KDM4B: variants seen among roughly 807,000 people sequenced by gnomAD.
The protein encoded by KDM4B is lysine-specific demethylase 4B.
A neutral mutation model predicts 125.2 loss-of-function variants in KDM4B; 32 were observed. The observed-to-expected ratio is 0.26, with a 90% CI of 0.19 to 0.34. The LOEUF is 0.34. Ranked by LOEUF, KDM4B falls within the 10% of genes least tolerant of loss-of-function variation. The probability of loss-of-function intolerance (pLI) is 1.00; values close to 1 mark genes in which losing one functional copy is unlikely to be tolerated. For synonymous variants in KDM4B, 721 were observed against 677.9 expected (o/e 1.06, Z -0.99); for missense variants, 1,190 against 1,577.7 (o/e 0.75, Z 4.16).
chr19:4,972,695 C>G (rs1039051639), intron 1 of KDM4B, among the ~76,000 whole-genome samples: 2 of 152,340 alleles, frequency 1.3e-5, no homozygotes, highest in East Asian at 1.9e-4. Flanking sequence ...GTGCTGTGAC[C>G]GTGATGGGCC....
At chr19:4,987,325 C>T (rs921577054) in intron 1 of KDM4B, among the ~76,000 whole-genome samples, 4 of 152,196 alleles carry the variant, frequency 2.6e-5, no homozygotes, top group Non-Finnish European at 5.9e-5. Flanking sequence ...CGGTCAGGAG[C>T]GCTTTCTCTT....
rs1318490003 is a variant in KDM4B at position 5,060,452 on chromosome 19, AAAAAAAAAAAAG to A, written c.627-10557_627-10546del. Among the ~76,000 whole-genome samples the A allele has an allele frequency of 1.8e-3, 270 of 146,144 alleles. 10 individuals are homozygous for A. The highest frequency in any genetic ancestry group is 3.7e-3 in the African/African-American group (148 of 39,494). ...TGTCTCCAAAAAAAAAAAAAAAAAA[AAAAAAAAAAAAG>A]GGAGCCATGATTGTTCTCCAGCTGC... On this transcript the variant is annotated intron_variant, in intron 6 of 22. Coordinates refer to ENST00000159111, the MANE Select transcript of KDM4B (RefSeq NM_015015.3).
chr19:5,107,541 C>T (rs1406576839), intron 9 of KDM4B, among the ~76,000 whole-genome samples: 4 of 152,160 alleles, frequency 2.6e-5, no homozygotes, highest in South Asian at 2.1e-4. Flanking sequence ...TCTGCCCTGC[C>T]GGAGGACTCT....
At chr19:5,024,693 G>A (rs918140604) in intron 2 of KDM4B, among the ~76,000 whole-genome samples, 1 of 152,074 alleles carries the variant, frequency 6.6e-6, no homozygotes, top group African/African-American at 2.4e-5. Context: ...GCTCATGCCT[G>A]TAATTCCAGC....
In KDM4B at chr19:5,045,986, C is replaced by G. The variant is rs2037012799; in HGVS notation, c.433-1490C>G. Among the ~76,000 whole-genome samples, 2 of 152,204 alleles carry G rather than the reference C, an allele frequency of 1.3e-5. 1 individual carries two copies. The highest frequency in any genetic ancestry group is 4.1e-4 in the South Asian group (2 of 4,836). On this transcript the variant is annotated intron_variant, in intron 5 of 22. Transcript: ENST00000159111. ...AGAGTTTGCTGTGTATTTTGGTTAT[C>G]AGTTGTGACTTGCAAGTATTTTCTT...
intron 9 of KDM4B, among the ~76,000 whole-genome samples, chr19:5,086,511 G>A (rs1383845588): frequency 3.3e-5 from 5 of 152,212 alleles, no homozygotes; most frequent in Non-Finnish European, 7.3e-5. Context: ...TGGCGTCTGC[G>A]TCTGCTTCGC....
chr19:5,003,325 A>T (rs1268009025), intron 1 of KDM4B, among the ~76,000 whole-genome samples: 2 of 151,952 alleles, frequency 1.3e-5, no homozygotes, highest in Non-Finnish European at 2.9e-5. Flanking sequence ...CCCATCTCTA[A>T]TAAAAATTAG....
At chr19:5,019,641 T>G (rs1186175752) in intron 2 of KDM4B, among the ~76,000 whole-genome samples, 30 of 108,246 alleles carry the variant, frequency 2.8e-4, no homozygotes, top group East Asian at 6.3e-4. Context: ...TACAGGTGTT[T>G]GTGTGGACGT....
intron 9 of KDM4B, among the ~76,000 whole-genome samples, chr19:5,096,990 C>T (rs1033956935): frequency 1.3e-5 from 2 of 152,108 alleles, no homozygotes; most frequent in Non-Finnish European, 2.9e-5. Context: ...CCACCAGAAT[C>T]GACACTTTAA....
chr19:5,079,686 C>G (rs1249792742), intron 8 of KDM4B, among the ~76,000 whole-genome samples: 2 of 152,224 alleles, frequency 1.3e-5, no homozygotes, highest in Non-Finnish European at 2.9e-5. Flanking sequence ...CCGAAGCCGG[C>G]TCAAATAGGA....
At chr19:5,030,476 C>G (rs1003846883) in intron 2 of KDM4B, among the ~76,000 whole-genome samples, 2 of 152,192 alleles carry the variant, frequency 1.3e-5, no homozygotes, top group Non-Finnish European at 2.9e-5. Context: ...GGGGGTGGGC[C>G]AGCCCCTCAC....
At chr19:5,119,254 C>A in intron 10 of KDM4B, 1 of 1,359,394 alleles carries the variant, frequency 7.4e-7, no homozygotes, top group Non-Finnish European at 1.0e-6. Context: ...GTCGTCTAGG[C>A]ATTTTCCATG....
At chr19:5,034,336 AG>A (rs1203050804) in intron 3 of KDM4B, among the ~76,000 whole-genome samples, 1 of 152,172 alleles carries the variant, frequency 6.6e-6, no homozygotes, top group Non-Finnish European at 1.5e-5. Flanking sequence ...CAGTTAGGCC[AG>A]GGGTTGGCGG....
At chr19:5,063,056 C>A (rs1226322467) in intron 6 of KDM4B, among the ~76,000 whole-genome samples, 4 of 151,932 alleles carry the variant, frequency 2.6e-5, no homozygotes, top group Non-Finnish European at 5.9e-5. Context: ...TGCAGTGTGA[C>A]GTGTGCTGTG....
In KDM4B at chr19:5,124,678, C is replaced by T. The variant is rs573392719; in HGVS notation, c.1315+4826C>T. ...GTGACGCAATCTCAGCTCATGCAAC[C>T]TCTACCTCCCAGGTTCAAACGATTC... On this transcript the variant is annotated intron_variant, in intron 11 of 22. Transcript: ENST00000159111. Among the ~76,000 whole-genome samples, 241 of 152,350 alleles carry T rather than the reference C, an allele frequency of 1.6e-3. 1 individual carries two copies. Among genetic ancestry groups the T allele is most frequent in the African/African-American group, 5.6e-3 (234 of 41,582 alleles).
At chr19:4,969,721 GC>G (rs2034182528) in intron 1 of KDM4B, among the ~76,000 whole-genome samples, 1 of 152,010 alleles carries the variant, frequency 6.6e-6, no homozygotes, top group Non-Finnish European at 1.5e-5. Context: ...CGCCAGGGGG[GC>G]TAAGGGGAAG....
At chr19:5,027,362 C>T (rs893183951) in intron 2 of KDM4B, among the ~76,000 whole-genome samples, 3 of 152,104 alleles carry the variant, frequency 2.0e-5, no homozygotes, top group African/African-American at 2.4e-5. Context: ...CACGCCTCCC[C>T]GCGTGTCCCC....
intron 9 of KDM4B, among the ~76,000 whole-genome samples, chr19:5,106,644 C>G (rs568017339): frequency 2.0e-5 from 3 of 152,358 alleles, no homozygotes; most frequent in African/African-American, 4.8e-5. Context: ...TCTGCTGATT[C>G]GCTGGCAAGC....
At chr19:5,050,207 C>T (rs997028686) in intron 6 of KDM4B, among the ~76,000 whole-genome samples, 1 of 152,252 alleles carries the variant, frequency 6.6e-6, no homozygotes, top group Admixed American at 6.5e-5. Context: ...CTTTCTGGGT[C>T]TGTTGCTACT....
Sources: allele counts gnomAD v4.1 joint callset (sites outside exome capture counted in the v4.1 genomes callset), GRCh38; gene constraint gnomAD v4.1.1; transcripts MANE v1.5; gene names NCBI Gene and HGNC (gene_info 2026-07-23, HGNC 2026-07-21).